The following ATRIP variants were observed in gnomAD, a reference collection of about 807,000 sequenced individuals.
ATRIP encodes ATR-interacting protein.
In ATRIP, 44 loss-of-function variants were observed where a neutral mutation model predicts 78.1. That is an observed-to-expected ratio of 0.56 (90% CI 0.44 to 0.72). The LOEUF (loss-of-function observed/expected upper bound fraction) is 0.72. Ranked by LOEUF, ATRIP falls within the 30% of genes least tolerant of loss-of-function variation. The pLI is 0.00. For missense variants in ATRIP, 927 were observed against 980.2 expected (o/e 0.95, Z 0.72); for synonymous variants, 388 against 408.9 (o/e 0.95, Z 0.62).
chr3:48,463,783 G>T lies in ATRIP; in HGVS notation c.1784G>T (p.Ser595Ile), dbSNP rs756996604. Residue 595 changes from serine (S) to isoleucine (I), a missense_variant, in exon 9 of 13, where the codon AGC (serine) becomes ATC (isoleucine). Physicochemically the swap from Ser to Ile is moderately radical, Grantham distance 142. Transcript: ENST00000320211. Reference protein sequence around the residue: ...CVFQVLPKCLSPETPLPSVLL... With the variant: ...CVFQVLPKCLIPETPLPSVLL... ...TTCCAAGTGCTGCCAAAGTGCCTCA[G>T]CCCAGAGACACCCCTGCCTAGCGTG... 2 of 1,614,148 alleles carry T rather than the reference G, an allele frequency of 1.2e-6. No homozygotes were observed. The highest frequency in any genetic ancestry group is 1.7e-6 in the Non-Finnish European group (2 of 1,180,032).
chr3:48,451,329 A>G (rs2039830915), intron 2 of ATRIP, among the ~76,000 whole-genome samples: 1 of 152,184 alleles, frequency 6.6e-6, no homozygotes, highest in Non-Finnish European at 1.5e-5. Flanking sequence ...GTCTCTACAG[A>G]TAAAAGTGAA....
chr3:48,464,538 G>A, intron 10 of ATRIP, 44 bp from the exon 11 acceptor site: 1 of 1,585,926 alleles, frequency 6.3e-7, no homozygotes, highest in Non-Finnish European at 8.7e-7. Context: ...CGCAGGGACT[G>A]GTCTCCTTCT....
At chr3:48,465,402 C>T (rs921504605) in intron 12 of ATRIP, 85 bp from the exon 13 acceptor site, 20 of 1,375,358 alleles carry the variant, frequency 1.5e-5, no homozygotes, top group African/African-American at 7.1e-5. Context: ...TTAGTTCCTG[C>T]GGACGTTGGG....
In ATRIP at chr3:48,447,545, TC is replaced by T. The variant is rs532914943; in HGVS notation, c.247+454del. The T allele has an allele frequency of 1.2e-4, 123 of 986,428 alleles. No individual in the cohort carries two copies. In the African/African-American group the frequency reaches 1.9e-3, roughly 15 times the overall value. 61.1% of individuals were successfully genotyped at this position (986,428 alleles called of 1,614,324 possible). ...CAGGCAAGAGATGAAATAAATTTAT[TC>T]TTTTATACAACCAGTAAACTGTGCT... On this transcript the variant is annotated intron_variant, in intron 1 of 12. Transcript: ENST00000320211.
At position 48,459,409 on chromosome 3, in the gene ATRIP, C is replaced by T. The variant is rs2040037607; in HGVS notation, c.880C>T (p.Gln294Ter). 6.2e-7 allele frequency: 1 copy of T among 1,613,974 alleles called. No homozygotes were observed. The highest frequency in any genetic ancestry group is 1.3e-5 in the African/African-American group (1 of 74,920). The change falls in exon 6 of 13, where the codon CAG becomes TAG. Residue 294 changes from glutamine to a stop codon, truncating the protein, a stop_gained. Transcript: ENST00000320211. LOFTEE classifies it high-confidence loss of function. ...RGDSIKQEEA[Q>*]KSFVDSWRQR... is the part of the protein sequence containing the mutation. ...TGACTCCATAAAACAAGAAGAGGCC[C>T]AGAAAAGCTTTGTTGACAGCTGGAG...
chr3:48,461,895 A>G (rs2040125191), intron 8 of ATRIP, among the ~76,000 whole-genome samples: 1 of 152,132 alleles, frequency 6.6e-6, no homozygotes. Flanking sequence ...TAGTAGAGAC[A>G]GGGTTTCACC....
chr3:48,447,027 A>G lies in ATRIP; in HGVS notation c.182A>G (p.Glu61Gly). ...GGGGACTTCACTGCCGACGACCTGG[A>G]GGAGCTTGACACCCTCGCGTCACAG... ...AHGDFTADDLEELDTLASQAL... is the reference protein window; with the variant it reads ...AHGDFTADDLGELDTLASQAL... The change falls in exon 1 of 13, where the codon GAG (glutamate) becomes GGG (glycine). Residue 61 changes from glutamate (E) to glycine (G), a missense_variant. Physicochemically the swap from Glu to Gly is moderately conservative, Grantham distance 98. Transcript: ENST00000320211. The G allele has an allele frequency of 1.3e-6, 2 of 1,571,788 alleles. No individual in the cohort carries two copies. Among genetic ancestry groups the G allele is most frequent in the Admixed American group, 1.8e-5 (1 of 54,596 alleles).
At position 48,460,356 on chromosome 3, in the gene ATRIP, G is replaced by A; in HGVS notation, c.1302G>A (p.Leu434=). The change falls in exon 8 of 13, where the codon CTG becomes CTA. Residue 434 remains leucine, a synonymous_variant. Transcript: ENST00000320211. The part of the protein sequence containing the change: ...QFFIGLHCQA[L]QDLAAAKRSG... Reference sequence around the variant, plus strand: ...TCATCGGCTTACACTGCCAGGCCCTGCAGGACTTGGCAGCTGCTAAGAGAA... The same window carrying A: ...TCATCGGCTTACACTGCCAGGCCCTACAGGACTTGGCAGCTGCTAAGAGAA... 6.2e-7 allele frequency: 1 copy of A among 1,613,220 alleles called. No homozygotes were observed. The highest frequency in any genetic ancestry group is 8.5e-7 in the Non-Finnish European group (1 of 1,179,558).
At chr3:48,450,708 T>C in intron 2 of ATRIP, 1 of 400,062 alleles carries the variant, frequency 2.5e-6, no homozygotes, top group South Asian at 2.1e-5. Flanking sequence ...TGCCTTAGCT[T>C]CCAGAGTAGC....
Position 48,465,555 on chromosome 3 carries a change from G to A in ATRIP, c.*1G>A. 1.2e-6 allele frequency: 2 copies of A among 1,612,716 alleles called. No individual in the cohort carries two copies. The highest frequency in any genetic ancestry group is 1.7e-6 in the Non-Finnish European group (2 of 1,178,760). ...AGACCCCGAGGTGGAGTGTGGCTGA[G>A]GCCCTGAGTGTCCAGCCACATGGTG... On this transcript the variant is annotated 3_prime_UTR_variant, in exon 13 of 13. Transcript: ENST00000320211.
At chr3:48,462,521 G>A (rs2040145965) in intron 8 of ATRIP, among the ~76,000 whole-genome samples, 1 of 152,102 alleles carries the variant, frequency 6.6e-6, no homozygotes, top group African/African-American at 2.4e-5. Context: ...GGCTAACATG[G>A]TGAAACCCCG....
At chr3:48,459,506 T>G (rs370097193) in intron 6 of ATRIP, 52 bp downstream of exon 6, 40 of 1,543,912 alleles carry the variant, frequency 2.6e-5, no homozygotes, top group Non-Finnish European at 2.0e-5. Context: ...CTGAGTAATA[T>G]GCAGAAGAAT....
At chr3:48,447,571 T>C (rs1301355586) in intron 1 of ATRIP, 39 of 982,264 alleles carry the variant, frequency 4.0e-5, no homozygotes, top group Non-Finnish European at 4.6e-5. Context: ...TAAACTGTGC[T>C]AGGTGCCCAA....
chr3:48,454,281 T>G lies in ATRIP; in HGVS notation c.553-19T>G. 6.8e-7 allele frequency: 1 copy of G among 1,476,104 alleles called. No homozygotes were observed. The highest frequency in any genetic ancestry group is 9.5e-7 in the Non-Finnish European group (1 of 1,055,388). The allele number at this position is 1,476,104 out of a possible 1,614,324, so 91.4% of individuals were successfully genotyped here. ...GTATATGATGGGACCACTACAAGCA[T>G]GTTTCTTTTGCCTTCCAGCTCCAAT... On this transcript the variant is annotated intron_variant, in intron 3 of 12. Transcript: ENST00000320211.
chr3:48,457,629 T>G (rs1423272699), intron 5 of ATRIP, among the ~76,000 whole-genome samples: 1 of 152,210 alleles, frequency 6.6e-6, no homozygotes, highest in Non-Finnish European at 1.5e-5. Flanking sequence ...CAGTGTAATT[T>G]CTTGCCACAT....
rs1362933469 is a variant in ATRIP at position 48,446,978 on chromosome 3, C to G, written c.133C>G (p.Pro45Ala). 6.4e-6 allele frequency: 10 copies of G among 1,567,726 alleles called. No homozygotes were observed. In the South Asian group the frequency reaches 1.2e-4, roughly 18 times the overall value. ...CTTCTCCGCAGCCGCTGCCCCGGAC[C>G]CTGACGACCCGTTCGGCGCGCATGG... ...RGFSAAAAPD[P>A]DDPFGAHGDF... Residue 45 changes from proline (P) to alanine (A), a missense_variant, in exon 1 of 13, where the codon CCT becomes GCT. Pro to Ala is a conservative substitution (Grantham distance 27). Transcript: ENST00000320211.
At chr3:48,458,152 A>T (rs536661864) in intron 5 of ATRIP, among the ~76,000 whole-genome samples, 178 of 144,628 alleles carry the variant, frequency 1.2e-3, no homozygotes, top group Admixed American at 1.8e-3. Flanking sequence ...ATCTCAGCTC[A>T]CTGCAACTTC....
intron 4 of ATRIP, among the ~76,000 whole-genome samples, chr3:48,455,942 G>A (rs555341488): frequency 2.0e-5 from 3 of 152,152 alleles, no homozygotes; most frequent in Admixed American, 1.3e-4. Context: ...CCAACATGAT[G>A]AAACCCTGTC....
At chr3:48,462,559 TG>T (rs2040147048) in intron 8 of ATRIP, among the ~76,000 whole-genome samples, 1 of 151,852 alleles carries the variant, frequency 6.6e-6, no homozygotes, top group Non-Finnish European at 1.5e-5. Context: ...AAAAAGTAGC[TG>T]GGCGTGGTGG....
Sources: gnomAD v4.1 joint callset for allele counts (sites outside exome capture counted in the v4.1 genomes callset) on GRCh38, gnomAD v4.1.1 for gene constraint, MANE v1.5 for transcripts, NCBI Gene and HGNC (gene_info 2026-07-23, HGNC 2026-07-21) for gene names.